Variants in ANKS1B observed in about 807,000 individuals in gnomAD.
ANKS1B encodes ankyrin repeat and sterile alpha motif domain-containing protein 1B.
A neutral mutation model predicts 148.3 loss-of-function variants in ANKS1B; 36 were observed. That is an observed-to-expected ratio of 0.24 (90% CI 0.19 to 0.32). The LOEUF (loss-of-function observed/expected upper bound fraction) is 0.32. Among genes scored for constraint, ANKS1B ranks in the 10% least tolerant of loss-of-function variants. The probability of loss-of-function intolerance (pLI) is 1.00; values close to 1 mark genes in which losing one functional copy is unlikely to be tolerated. For missense variants in ANKS1B, 1,157 were observed against 1,542.6 expected, an observed-to-expected ratio of 0.75 and a Z score of 4.19; for synonymous variants, 542 against 560.8, an observed-to-expected ratio of 0.97 and a Z score of 0.47.
At chr12:98,960,290 A>G (rs1483364489) in intron 17 of ANKS1B, among the ~76,000 whole-genome samples, 1 of 152,172 alleles carries the variant, frequency 6.6e-6, no homozygotes, top group African/African-American at 2.4e-5. Flanking sequence ...ACAGAGAGAG[A>G]GAGAGAGAGA....
At chr12:99,900,632 G>A (rs1229428656) in intron 1 of ANKS1B, among the ~76,000 whole-genome samples, 1 of 151,344 alleles carries the variant, frequency 6.6e-6, no homozygotes, top group Non-Finnish European at 1.5e-5. Context: ...CTAATCCTGA[G>A]AAGCAAGCAG....
intron 14 of ANKS1B, among the ~76,000 whole-genome samples, chr12:99,196,024 A>G (rs2081347015): frequency 6.6e-6 from 1 of 152,154 alleles, no homozygotes; most frequent in South Asian, 2.1e-4. Context: ...ATAATATTAA[A>G]AAAGTTAATA....
chr12:98,995,362 A>G (rs1408502000), intron 17 of ANKS1B, among the ~76,000 whole-genome samples: 1 of 152,192 alleles, frequency 6.6e-6, no homozygotes, highest in African/African-American at 2.4e-5. Flanking sequence ...AGGCCAAGGC[A>G]GATGGATCAC....
chr12:99,248,277 G>A (rs1250666128), intron 12 of ANKS1B, among the ~76,000 whole-genome samples: 6 of 152,132 alleles, frequency 3.9e-5, no homozygotes, highest in Non-Finnish European at 7.3e-5. Flanking sequence ...CTCCGCCTGG[G>A]AACTGGTGAA....
chr12:99,424,821 C>T (rs1398203505), intron 11 of ANKS1B, among the ~76,000 whole-genome samples: 3 of 151,904 alleles, frequency 2.0e-5, no homozygotes, highest in African/African-American at 7.2e-5. Context: ...AACAGGCAGA[C>T]AAGATGAAAA....
chr12:98,773,123 T>C lies in ANKS1B; in HGVS notation c.3498A>G (p.Glu1166=). 6.2e-7 allele frequency: 1 copy of C among 1,613,938 alleles called. No individual in the cohort carries two copies. Among genetic ancestry groups the C allele is most frequent in the Middle Eastern group, 1.6e-4 (1 of 6,062 alleles). ...RNISCAAQDP[E]DLSTFAYITK... ...TGATATAGGCAAATGTTGAGAGGTC[T>C]TCTGGGTCCTGGGCAGCACAGGAGA... Residue 1166 remains glutamate (E), a synonymous_variant, in exon 25 of 27, where the codon GAA becomes GAG. Transcript: ENST00000683438.
At chr12:99,548,526 T>C (rs1349492347) in intron 9 of ANKS1B, among the ~76,000 whole-genome samples, 2 of 152,064 alleles carry the variant, frequency 1.3e-5, no homozygotes, top group Non-Finnish European at 2.9e-5. Flanking sequence ...CTGACAAATA[T>C]AGGTAATGTT....
intron 9 of ANKS1B, among the ~76,000 whole-genome samples, chr12:99,582,992 A>G (rs971776356): frequency 6.6e-6 from 1 of 152,252 alleles, no homozygotes; most frequent in South Asian, 2.1e-4. Context: ...ATTTACATGA[A>G]GCTTTGTAGG....
intron 1 of ANKS1B, among the ~76,000 whole-genome samples, chr12:99,977,437 C>T (rs79097334): frequency 3.9e-5 from 6 of 152,326 alleles, no homozygotes; most frequent in South Asian, 4.1e-4. Context: ...GTGTGAGCCA[C>T]CACGTCCAGA....
chr12:98,958,208 T>C (rs373898170), intron 17 of ANKS1B, among the ~76,000 whole-genome samples: 8 of 152,340 alleles, frequency 5.3e-5, no homozygotes, highest in East Asian at 3.9e-4. Context: ...TGCACACATA[T>C]TTACATTCAG....
chr12:99,241,103 C>T (rs1214073490), intron 14 of ANKS1B, among the ~76,000 whole-genome samples: 5 of 152,098 alleles, frequency 3.3e-5, no homozygotes, highest in Non-Finnish European at 7.4e-5. Flanking sequence ...ATCAATGAAT[C>T]CAGGAGCTGG....
At chr12:98,960,631 G>C (rs1420264970) in intron 17 of ANKS1B, among the ~76,000 whole-genome samples, 3 of 152,058 alleles carry the variant, frequency 2.0e-5, no homozygotes, top group Non-Finnish European at 2.9e-5. Flanking sequence ...GACCATCCAG[G>C]AAAAATAATC....
chr12:99,215,916 A>C (rs2084098194), intron 14 of ANKS1B, among the ~76,000 whole-genome samples: 1 of 152,162 alleles, frequency 6.6e-6, no homozygotes, highest in Non-Finnish European at 1.5e-5. Flanking sequence ...TGTGAGGACA[A>C]GAGATTTGGA....
intron 1 of ANKS1B, among the ~76,000 whole-genome samples, chr12:99,937,013 T>C (rs1429118272): frequency 6.6e-6 from 1 of 152,196 alleles, no homozygotes; most frequent in Non-Finnish European, 1.5e-5. Flanking sequence ...CAACCACATA[T>C]GGATACAGTA....
At chr12:99,548,201 A>G (rs2097187928) in intron 9 of ANKS1B, among the ~76,000 whole-genome samples, 1 of 152,178 alleles carries the variant, frequency 6.6e-6, no homozygotes, top group African/African-American at 2.4e-5. Context: ...ATCAGAATTC[A>G]TTCCACTGAC....
intron 17 of ANKS1B, among the ~76,000 whole-genome samples, chr12:99,005,277 C>T (rs2099935478): frequency 6.6e-6 from 1 of 152,156 alleles, no homozygotes. Flanking sequence ...GGAAGGGCGT[C>T]GCTGTTGTTG....
intron 8 of ANKS1B, among the ~76,000 whole-genome samples, chr12:99,682,289 T>A (rs1308934243): frequency 2.0e-5 from 3 of 152,178 alleles, no homozygotes; most frequent in African/African-American, 7.2e-5. Flanking sequence ...ACATTTTCTA[T>A]CCAACAACTG....
At chr12:99,253,115 T>C (rs1418381955) in intron 12 of ANKS1B, among the ~76,000 whole-genome samples, 1 of 151,980 alleles carries the variant, frequency 6.6e-6, no homozygotes, top group Admixed American at 6.6e-5. Context: ...GAGTTCCAGC[T>C]ACTCAGGAGA....
intron 10 of ANKS1B, among the ~76,000 whole-genome samples, chr12:99,495,943 G>C (rs1375723026): frequency 6.6e-6 from 1 of 152,244 alleles, no homozygotes; most frequent in Non-Finnish European, 1.5e-5. Context: ...GTATAGTAGA[G>C]TGTGGATTAT....
Sources: allele counts gnomAD v4.1 joint callset (sites outside exome capture counted in the v4.1 genomes callset), GRCh38; gene constraint gnomAD v4.1.1; transcripts MANE v1.5; gene names NCBI Gene and HGNC (gene_info 2026-07-23, HGNC 2026-07-21).